EIF4B: variants seen among roughly 807,000 people sequenced by gnomAD.
EIF4B encodes the protein eukaryotic translation initiation factor 4B.
EIF4B carries 8 observed loss-of-function variants against 79.3 expected under a neutral mutation model. That is an observed-to-expected ratio of 0.10 (90% CI 0.06 to 0.18). The LOEUF (loss-of-function observed/expected upper bound fraction) is 0.18, where lower values mean the gene tolerates loss of function less well. EIF4B is among the 10% of genes least tolerant of loss of function. The probability of loss-of-function intolerance (pLI) is 1.00; values close to 1 mark genes in which losing one functional copy is unlikely to be tolerated. For missense variants in EIF4B, 515 were observed against 792.4 expected, an observed-to-expected ratio of 0.65 and a Z score of 4.20; for synonymous variants, 238 against 274.7, an observed-to-expected ratio of 0.87 and a Z score of 1.32.
chr12:53,026,405 C>T (rs999031868), intron 6 of EIF4B, among the ~76,000 whole-genome samples: 4 of 152,128 alleles, frequency 2.6e-5, no homozygotes, highest in Non-Finnish European at 5.9e-5. Flanking sequence ...CTGAAATGCA[C>T]ATGTGTGTGT....
chr12:53,039,983 C>G, intron 14 of EIF4B, 160 bp from the exon 15 acceptor site: 1 of 810,388 alleles, frequency 1.2e-6, no homozygotes, highest in Non-Finnish European at 2.0e-6. Flanking sequence ...GCCTCTGACC[C>G]TCTTCCCTAG....
At chr12:53,016,752 T>C in intron 2 of EIF4B, 142 bp downstream of exon 2, 1 of 1,263,726 alleles carries the variant, frequency 7.9e-7, no homozygotes, top group Non-Finnish European at 1.1e-6. Context: ...TTATAGAATC[T>C]AAGGTTTAAT....
At chr12:53,030,931 T>G (rs770419940) in intron 8 of EIF4B, among the ~76,000 whole-genome samples, 27 of 152,130 alleles carry the variant, frequency 1.8e-4, no homozygotes, top group Non-Finnish European at 3.4e-4. Context: ...TTTTCCTCTC[T>G]CACACTGTCC....
At position 53,034,029 on chromosome 12, in the gene EIF4B, G is replaced by T. The variant is rs761864637; in HGVS notation, c.1203G>T (p.Arg401=). 2 of 1,609,026 alleles carry T rather than the reference G, an allele frequency of 1.2e-6. No homozygotes were observed. Residue 401 remains arginine, a synonymous_variant, in exon 9 of 15, where the codon CGG becomes CGT. Coordinates refer to ENST00000262056, the MANE Select transcript of EIF4B (RefSeq NM_001417.7). ...LDEPKLERRP[R]ERHPSWRSEE... is the part of the protein sequence containing the mutation. ...AGCCAAAACTAGAACGACGGCCTCG[G>T]GAGAGGTGTGTTGTCTTGATGGATA...
In EIF4B at chr12:53,034,693, C is replaced by A; in HGVS notation, c.1290C>A (p.Ser430=). 4 of 1,613,994 alleles carry A rather than the reference C, an allele frequency of 2.5e-6. No individual in the cohort carries two copies. The highest frequency in any genetic ancestry group is 3.4e-6 in the Non-Finnish European group (4 of 1,179,888). ...TGSESSQTGT[S]TTSSRNARRR... ...GTGAGTCATCACAAACTGGGACCTC[C>A]ACCACATCTAGCAGAAGTAAGTCAG... The change falls in exon 10 of 15, where the codon TCC becomes TCA. Residue 430 remains serine (S), a synonymous_variant. Transcript: ENST00000262056.
chr12:53,019,060 A>G (rs1943194375), intron 3 of EIF4B, 54 bp downstream of exon 3: 1 of 1,577,366 alleles, frequency 6.3e-7, no homozygotes, highest in South Asian at 1.1e-5. Flanking sequence ...TGTCTAAAAA[A>G]GACTAATTGT....
chr12:53,039,657 C>T lies in EIF4B; in HGVS notation c.1710C>T (p.Ser570=). 6.2e-7 allele frequency: 1 copy of T among 1,613,772 alleles called. No homozygotes were observed. The highest frequency in any genetic ancestry group is 1.1e-5 in the South Asian group (1 of 91,054). Residue 570 remains serine (S), a synonymous_variant, in exon 14 of 15, where the codon TCC becomes TCT. Transcript: ENST00000262056. ...AAGATGGCAAAAAGGATCAAGACTC[C>T]AGATCTGCACCTGAGCCAAAGAAAC... The part of the protein sequence containing the change: ...DRKDGKKDQD[S]RSAPEPKKPE...
rs182698879 is a variant in EIF4B, at chr12:53,023,271, C to T, written c.667+644C>T. On this transcript the variant is annotated intron_variant, in intron 6 of 14. Transcript: ENST00000262056. ...TTTTTGAGACGGAGTCTCGCTGTGTCGCCCAGGCTGGAGTGCAGTGGCGTG... is the reference window on the plus strand; with the variant it reads ...TTTTTGAGACGGAGTCTCGCTGTGTTGCCCAGGCTGGAGTGCAGTGGCGTG... Among the ~76,000 whole-genome samples the T allele has an allele frequency of 1.8e-3, 274 of 152,276 alleles. 1 individual carries two copies. Among genetic ancestry groups the T allele is most frequent in the African/African-American group, 6.3e-3 (263 of 41,552 alleles).
chr12:53,035,902 C>G (rs942165453), intron 10 of EIF4B, among the ~76,000 whole-genome samples: 1 of 152,070 alleles, frequency 6.6e-6, no homozygotes, highest in African/African-American at 2.4e-5. Flanking sequence ...ACTGCAACCT[C>G]TGACTCCCTG....
chr12:53,041,656 G>GAAAC lies in EIF4B; in HGVS notation c.*1435_*1438dup, dbSNP rs1053325645. 2.0e-5 allele frequency: 3 copies of GAAAC among 152,180 alleles called. No homozygotes were observed. Among genetic ancestry groups the GAAAC allele is most frequent in the African/African-American group, 7.2e-5 (3 of 41,438 alleles). The allele number at this position is 152,180 out of a possible 1,614,324, so 9.4% of individuals were successfully genotyped here. A position where few individuals can be genotyped will look rare whatever the true frequency, so the allele number is the denominator to read the frequency against. ...CAGCTTGGTAGACAGTATTAGCGGA[G>GAAAC]AAACACCTTGATCTTGGTTTGCAAG... On this transcript the variant is annotated 3_prime_UTR_variant, in exon 15 of 15. Transcript: ENST00000262056.
chr12:53,027,491 C>A (rs895746178), intron 6 of EIF4B, among the ~76,000 whole-genome samples: 1 of 151,764 alleles, frequency 6.6e-6, no homozygotes, highest in African/African-American at 2.4e-5. Context: ...ATGGGAGATT[C>A]CCAACTGTAT....
At chr12:53,020,137 CTACAAA>C (rs1330462091) in intron 4 of EIF4B, 111 bp downstream of exon 4, 9 of 830,098 alleles carry the variant, frequency 1.1e-5, no homozygotes, top group Non-Finnish European at 1.7e-5. Flanking sequence ...ATTCCCATAT[CTACAAA>C]TAAAGGCCTG....
chr12:53,039,418 CAG>C (rs2120991658), intron 13 of EIF4B, 75 bp downstream of exon 13: 1 of 1,315,172 alleles, frequency 7.6e-7, no homozygotes, highest in South Asian at 1.4e-5. Context: ...TCTTGGTTCT[CAG>C]AGCACTGCCA....
intron 2 of EIF4B, among the ~76,000 whole-genome samples, chr12:53,018,592 C>A (rs1444617201): frequency 6.6e-6 from 1 of 152,110 alleles, no homozygotes; most frequent in African/African-American, 2.4e-5. Flanking sequence ...AATAATATTT[C>A]TTTGCTTACA....
At chr12:53,019,657 C>T (rs577130122) in intron 3 of EIF4B, among the ~76,000 whole-genome samples, 4 of 142,780 alleles carry the variant, frequency 2.8e-5, no homozygotes, top group African/African-American at 1.0e-4. Flanking sequence ...TGAGCCACTG[C>T]ACCTGGCCTG....
intron 6 of EIF4B, among the ~76,000 whole-genome samples, chr12:53,024,048 G>A (rs989260919): frequency 2.0e-5 from 3 of 152,064 alleles, no homozygotes; most frequent in Admixed American, 6.6e-5. Context: ...GTCTTTATTG[G>A]GCATACATTA....
chr12:53,027,792 T>G lies in EIF4B; in HGVS notation c.678T>G (p.Asp226Glu), dbSNP rs2120947164. ...GDDSFGDKYR[D>E]RYDSDRYRDG... ...GTCTGTTTCCTCTAGAGTATCGAGATCGTTATGATTCAGACCGGTATCGGG... is the reference window on the plus strand; with the variant it reads ...GTCTGTTTCCTCTAGAGTATCGAGAGCGTTATGATTCAGACCGGTATCGGG... The change falls in exon 7 of 15, where the codon GAT becomes GAG. Residue 226 changes from aspartate (D) to glutamate (E), a missense_variant. Physicochemically the swap from Asp to Glu is conservative, Grantham distance 45. Transcript: ENST00000262056. 2.5e-6 allele frequency: 4 copies of G among 1,613,236 alleles called. No homozygotes were observed. Among genetic ancestry groups the G allele is most frequent in the African/African-American group, 1.3e-5 (1 of 75,028 alleles).
At chr12:53,034,887 G>C (rs1009868014) in intron 10 of EIF4B, among the ~76,000 whole-genome samples, 178 bp downstream of exon 10, 1 of 151,012 alleles carries the variant, frequency 6.6e-6, no homozygotes, top group Non-Finnish European at 1.5e-5. Flanking sequence ...GGGTACCAGA[G>C]TAGACCTAGA....
At chr12:53,020,896 TTACTC>T (rs1315990256) in intron 4 of EIF4B, among the ~76,000 whole-genome samples, 3 of 152,200 alleles carry the variant, frequency 2.0e-5, no homozygotes, top group Non-Finnish European at 2.9e-5. Context: ...GTCTCTAACT[TTACTC>T]AGTCTGGATA....
Sources: allele counts gnomAD v4.1 joint callset (sites outside exome capture counted in the v4.1 genomes callset), GRCh38; gene constraint gnomAD v4.1.1; transcripts MANE v1.5; gene names NCBI Gene and HGNC (gene_info 2026-07-23, HGNC 2026-07-21).